Variants in EPB41L2 observed in about 807,000 individuals in gnomAD.
The protein encoded by EPB41L2 is band 4.1-like protein 2.
EPB41L2 carries 43 observed loss-of-function variants against 113.0 expected under a neutral mutation model. The ratio of observed to expected loss-of-function variants is 0.38; its 90% CI spans 0.30 to 0.49. The LOEUF is 0.49. Among genes scored for constraint, EPB41L2 ranks in the 20% least tolerant of loss-of-function variants. The pLI is 0.95. For synonymous variants in EPB41L2, 442 were observed against 436.7 expected (o/e 1.01, Z -0.15); for missense variants, 1,147 against 1,223.4 (o/e 0.94, Z 0.93).
At chr6:130,928,576 T>C (rs1805600291) in intron 3 of EPB41L2, among the ~76,000 whole-genome samples, 1 of 152,256 alleles carries the variant, frequency 6.6e-6, no homozygotes, top group Admixed American at 6.5e-5. Flanking sequence ...TCAAGTCAAC[T>C]CTTACTAATA....
intron 1 of EPB41L2, among the ~76,000 whole-genome samples, chr6:131,048,954 T>C (rs991149957): frequency 1.3e-5 from 2 of 151,948 alleles, no homozygotes; most frequent in Admixed American, 6.6e-5. Flanking sequence ...CTATTATGTG[T>C]TCTACACAGA....
chr6:131,005,574 T>C (rs1222385907), intron 1 of EPB41L2, among the ~76,000 whole-genome samples: 1 of 152,214 alleles, frequency 6.6e-6, no homozygotes, highest in Non-Finnish European at 1.5e-5. Flanking sequence ...GTATTCCAAA[T>C]GTAAACATTT....
At chr6:130,984,618 C>T (rs189304646) in intron 1 of EPB41L2, among the ~76,000 whole-genome samples, 31 of 152,206 alleles carry the variant, frequency 2.0e-4, no homozygotes, top group Admixed American at 1.8e-3. Context: ...TCAGAGAAGT[C>T]CAAATGAAAA....
At chr6:130,871,150 T>C (rs1353737804) in intron 14 of EPB41L2, among the ~76,000 whole-genome samples, 1 of 152,202 alleles carries the variant, frequency 6.6e-6, no homozygotes, top group Non-Finnish European at 1.5e-5. Context: ...TCAATAAATA[T>C]CTGTTGACTT....
chr6:130,933,284 CTAA>C (rs1648707762), intron 3 of EPB41L2, among the ~76,000 whole-genome samples: 1 of 152,154 alleles, frequency 6.6e-6, no homozygotes, highest in African/African-American at 2.4e-5. Flanking sequence ...AATCTCTATT[CTAA>C]TAATATGATA....
chr6:130,915,815 GCT>G (rs367621838), intron 4 of EPB41L2, among the ~76,000 whole-genome samples: 2 of 151,716 alleles, frequency 1.3e-5, no homozygotes, highest in African/African-American at 2.4e-5. Flanking sequence ...CTCTGCACAA[GCT>G]CTCTCTCTCT....
rs1436316036 is a variant in EPB41L2, at chr6:130,840,451, G to A, written c.*153C>T. 6.6e-6 allele frequency: 1 copy of A among 152,122 alleles called. No homozygotes were observed. The highest frequency in any genetic ancestry group is 1.9e-4 in the East Asian group (1 of 5,196). 9.4% of individuals were successfully genotyped at this position (152,122 alleles called of 1,614,324 possible). ...ACCAGAGCTGGTAAGGAAAGGTTTG[G>A]TGTTGGCATTTTAATTCTTCAGGCT... On this transcript the variant is annotated 3_prime_UTR_variant, in exon 20 of 20. Coordinates refer to ENST00000337057, the MANE Select transcript of EPB41L2 (RefSeq NM_001431.4).
intron 19 of EPB41L2, among the ~76,000 whole-genome samples, chr6:130,849,598 A>G (rs1778163661): frequency 6.6e-6 from 1 of 152,214 alleles, no homozygotes; most frequent in Non-Finnish European, 1.5e-5. Flanking sequence ...TAATCTCTAT[A>G]AGAGAAAAAA....
intron 1 of EPB41L2, among the ~76,000 whole-genome samples, chr6:131,004,857 C>G (rs754961303): frequency 6.6e-6 from 1 of 152,202 alleles, no homozygotes; most frequent in South Asian, 2.1e-4. Context: ...CCTCCTGCTT[C>G]CCACTGCCAG....
chr6:130,988,966 G>A (rs972775515), intron 1 of EPB41L2, among the ~76,000 whole-genome samples: 1 of 152,298 alleles, frequency 6.6e-6, no homozygotes, highest in Non-Finnish European at 1.5e-5. Flanking sequence ...GTGCATGCCT[G>A]TAGTCCCAGC....
At chr6:130,888,615 T>A (rs1791806076) in intron 11 of EPB41L2, among the ~76,000 whole-genome samples, 1 of 152,168 alleles carries the variant, frequency 6.6e-6, no homozygotes, top group Non-Finnish European at 1.5e-5. Context: ...AGAGCAATCA[T>A]TTCTCTCAGG....
chr6:131,003,520 A>G (rs1051013005), intron 1 of EPB41L2, among the ~76,000 whole-genome samples: 1 of 152,230 alleles, frequency 6.6e-6, no homozygotes, highest in Non-Finnish European at 1.5e-5. Context: ...GGGGGAAAAG[A>G]GAAAGGGCAA....
chr6:130,892,007 A>C (rs1395457901), intron 10 of EPB41L2, among the ~76,000 whole-genome samples: 1 of 152,122 alleles, frequency 6.6e-6, no homozygotes, highest in Non-Finnish European at 1.5e-5. Flanking sequence ...AGCGTTATGC[A>C]AGGTTTAAAA....
At chr6:130,903,740 C>T (rs989677786) in intron 6 of EPB41L2, among the ~76,000 whole-genome samples, 4 of 152,000 alleles carry the variant, frequency 2.6e-5, no homozygotes, top group Non-Finnish European at 5.9e-5. Context: ...TCCCTGGTAC[C>T]CAGTGTAATC....
At chr6:130,987,946 T>A (rs939017940) in intron 1 of EPB41L2, among the ~76,000 whole-genome samples, 1 of 151,540 alleles carries the variant, frequency 6.6e-6, no homozygotes, top group African/African-American at 2.4e-5. Context: ...GATCCCTATC[T>A]CTACAAAAAA....
chr6:130,918,378 T>C (rs530138900), intron 4 of EPB41L2, among the ~76,000 whole-genome samples: 117 of 152,214 alleles, frequency 7.7e-4, no homozygotes, highest in Non-Finnish European at 1.3e-3. Flanking sequence ...TGCCAAACTA[T>C]TAACATCAAA....
At chr6:130,925,446 C>A (rs910241938) in intron 4 of EPB41L2, among the ~76,000 whole-genome samples, 7 of 152,104 alleles carry the variant, frequency 4.6e-5, no homozygotes, top group African/African-American at 1.7e-4. Flanking sequence ...GCCTCGGCCT[C>A]CCAAAGTGCT....
At chr6:130,899,649 GTC>G in intron 7 of EPB41L2, 71 bp from the exon 8 acceptor site, 2 of 1,417,356 alleles carry the variant, frequency 1.4e-6, no homozygotes, top group Admixed American at 3.4e-5. Flanking sequence ...TGGGAGGAGT[GTC>G]TGTGCTCAGA....
intron 11 of EPB41L2, among the ~76,000 whole-genome samples, chr6:130,889,870 T>C (rs1459274389): frequency 6.6e-6 from 1 of 152,150 alleles, no homozygotes; most frequent in African/African-American, 2.4e-5. Context: ...GGACCAGAAG[T>C]GTTGCGGATT....
Sources: gnomAD v4.1 joint callset for allele counts (sites outside exome capture counted in the v4.1 genomes callset) on GRCh38, gnomAD v4.1.1 for gene constraint, MANE v1.5 for transcripts, NCBI Gene and HGNC (gene_info 2026-07-23, HGNC 2026-07-21) for gene names.